The following SUFU variants were observed in gnomAD, a reference collection of about 807,000 sequenced individuals.
The protein encoded by SUFU is SUFU negative regulator of hedgehog signaling, also known as suppressor of fused homolog.
A neutral mutation model predicts 58.9 loss-of-function variants in SUFU; 7 were observed. That is an observed-to-expected ratio of 0.12 (90% confidence interval 0.07 to 0.22). The LOEUF (loss-of-function observed/expected upper bound fraction) is 0.22, where lower values mean the gene tolerates loss of function less well. SUFU is among the 10% of genes least tolerant of loss of function. The pLI is 1.00. For synonymous variants in SUFU, 232 were observed against 254.8 expected, an observed-to-expected ratio of 0.91 and a Z score of 0.85; for missense variants, 451 against 641.3, an observed-to-expected ratio of 0.70 and a Z score of 3.20.
At position 102,630,151 on chromosome 10, in the gene SUFU, A is replaced by G; in HGVS notation, c.1451A>G (p.His484Arg). Residue 484 changes from histidine (H) to arginine (R), a missense_variant, in exon 12 of 12, where the codon CAC (histidine) becomes CGC (arginine). Transcript: ENST00000369902. ...LPDVVFDSPL[H>R] ...GACGTGGTGTTCGACAGTCCGCTAC[A>G]CTAGCCTGGGCTGGGCCCTGCAGTG... The G allele has an allele frequency of 6.2e-7, 1 of 1,614,060 alleles. No individual in the cohort carries two copies. The highest frequency in any genetic ancestry group is 8.5e-7 in the Non-Finnish European group (1 of 1,179,942).
chr10:102,559,756 C>G (rs966358960), intron 3 of SUFU, among the ~76,000 whole-genome samples: 2 of 152,192 alleles, frequency 1.3e-5, no homozygotes, highest in African/African-American at 4.8e-5. Flanking sequence ...GATTTCTGAA[C>G]TGTGCTTTAG....
At chr10:102,585,362 A>AT (rs1464101663) in intron 3 of SUFU, among the ~76,000 whole-genome samples, 1 of 152,188 alleles carries the variant, frequency 6.6e-6, no homozygotes, top group African/African-American at 2.4e-5. Context: ...TTCACTTAGC[A>AT]TAATGTCTTT....
At chr10:102,524,988 C>T (rs2062593889) in intron 2 of SUFU, among the ~76,000 whole-genome samples, 1 of 152,236 alleles carries the variant, frequency 6.6e-6, no homozygotes, top group African/African-American at 2.4e-5. Context: ...CAGTTTGGAC[C>T]CTTATTCCCA....
At chr10:102,595,005 C>A (rs1446175522) in intron 6 of SUFU, among the ~76,000 whole-genome samples, 1 of 152,202 alleles carries the variant, frequency 6.6e-6, no homozygotes, top group Non-Finnish European at 1.5e-5. Flanking sequence ...CAGGTTTGAG[C>A]TAGTGCGCCT....
At chr10:102,593,118 G>A (rs796960050) in intron 4 of SUFU, among the ~76,000 whole-genome samples, 3 of 152,334 alleles carry the variant, frequency 2.0e-5, no homozygotes, top group African/African-American at 7.2e-5. Flanking sequence ...TGGTCACGAA[G>A]TCTATGTGAA....
intron 10 of SUFU, among the ~76,000 whole-genome samples, chr10:102,622,224 T>C (rs2063745490): frequency 1.3e-5 from 2 of 152,174 alleles, no homozygotes; most frequent in Admixed American, 6.5e-5. Context: ...CCCCTGTTGG[T>C]TAAGCCTGTG....
chr10:102,630,530 G>A lies in SUFU; in HGVS notation c.*375G>A, dbSNP rs1323099520. ...CCCCTGCCGCACAGCCCAGCAGGAG[G>A]GAGGCGGACAGCCAGATGCAGAGCG... On this transcript the variant is annotated 3_prime_UTR_variant, in exon 12 of 12. Coordinates refer to ENST00000369902, the MANE Select transcript of SUFU (RefSeq NM_016169.4). The A allele has an allele frequency of 1.7e-5, 7 of 417,436 alleles. No individual in the cohort carries two copies. The highest frequency in any genetic ancestry group is 3.2e-5 in the Non-Finnish European group (7 of 221,984). The allele number at this position is 417,436 out of a possible 1,614,324, so 25.9% of individuals were successfully genotyped here.
chr10:102,513,238 C>T (rs1176568501), intron 2 of SUFU, among the ~76,000 whole-genome samples: 1 of 152,050 alleles, frequency 6.6e-6, no homozygotes, highest in East Asian at 1.9e-4. Flanking sequence ...TTAATGAATC[C>T]TCATTTAAAT....
Position 102,632,565 on chromosome 10 carries a change from C to T in SUFU, c.*2410C>T. The T allele has an allele frequency of 4.3e-6, 1 of 233,330 alleles. No homozygotes were observed. The highest frequency in any genetic ancestry group is 8.5e-6 in the Non-Finnish European group (1 of 118,066). 14.5% of individuals were successfully genotyped at this position (233,330 alleles called of 1,614,324 possible). On this transcript the variant is annotated 3_prime_UTR_variant, in exon 12 of 12. Coordinates refer to ENST00000369902, the MANE Select transcript of SUFU (RefSeq NM_016169.4). ...GACCCTTAAAGAAGATCAAGCCAAG[C>T]TGACCTTGGACCCTGTCCAGCACAG...
intron 2 of SUFU, among the ~76,000 whole-genome samples, chr10:102,533,435 A>G (rs1477871559): frequency 6.6e-6 from 1 of 151,766 alleles, no homozygotes; most frequent in Non-Finnish European, 1.5e-5. Context: ...TTAGCCAAGC[A>G]TGGTGGCCTG....
chr10:102,533,200 A>G (rs1589999282), intron 2 of SUFU, among the ~76,000 whole-genome samples: 1 of 152,138 alleles, frequency 6.6e-6, no homozygotes, highest in South Asian at 2.1e-4. Context: ...CCACAAAATT[A>G]GTGTCTTGGA....
At chr10:102,579,148 G>A (rs1009028484) in intron 3 of SUFU, among the ~76,000 whole-genome samples, 1 of 152,224 alleles carries the variant, frequency 6.6e-6, no homozygotes, top group African/African-American at 2.4e-5. Context: ...GCATATATGG[G>A]TGAGTAAATG....
In SUFU at chr10:102,599,540, G is replaced by T. The variant is rs34135067; in HGVS notation, c.1018G>T (p.Ala340Ser). 11,583 of 1,613,966 alleles carry T rather than the reference G, an allele frequency of 7.2e-3. 57 individuals carry two copies. The highest frequency in any genetic ancestry group is 8.6e-3 in the Non-Finnish European group (10,127 of 1,179,872). Reference sequence around the variant, plus strand: ...GCAGAATGGCCTCGCCCACGACCGGGCCCCGTAAGTTCCCCAGTGTCCCTG... The same window carrying T: ...GCAGAATGGCCTCGCCCACGACCGGTCCCCGTAAGTTCCCCAGTGTCCCTG... The part of the protein sequence containing the change: ...QRQNGLAHDR[A>S]PSRKDSLESD... The change falls in exon 8 of 12, where the codon GCC becomes TCC. Residue 340 changes from alanine (A) to serine (S), a missense_variant. Coordinates refer to ENST00000369902, the MANE Select transcript of SUFU (RefSeq NM_016169.4).
intron 3 of SUFU, among the ~76,000 whole-genome samples, chr10:102,584,127 G>A (rs926299625): frequency 2.6e-5 from 4 of 152,184 alleles, no homozygotes; most frequent in Non-Finnish European, 4.4e-5. Flanking sequence ...GAGTAGGCAC[G>A]CTATTTCCTG....
intron 3 of SUFU, among the ~76,000 whole-genome samples, chr10:102,559,588 G>A (rs1388468606): frequency 1.3e-5 from 2 of 152,338 alleles, no homozygotes; most frequent in East Asian, 1.9e-4. Flanking sequence ...ACACATCCAT[G>A]TCTGTCTGTC....
chr10:102,593,892 C>G (rs559017159), intron 5 of SUFU, 101 bp from the exon 6 acceptor site: 4 of 1,470,692 alleles, frequency 2.7e-6, no homozygotes, highest in East Asian at 2.3e-5. Context: ...GAACTATTCC[C>G]CTGTGTCCTA....
chr10:102,503,849 C>G, upstream of SUFU: 1 of 385,210 alleles, frequency 2.6e-6, no homozygotes, highest in Non-Finnish European at 4.7e-6. Context: ...GAGGCGGGGC[C>G]TATTGTCAAG....
At chr10:102,570,399 G>A (rs559814822) in intron 3 of SUFU, among the ~76,000 whole-genome samples, 5 of 152,090 alleles carry the variant, frequency 3.3e-5, no homozygotes, top group South Asian at 2.1e-4. Context: ...ACGCCACCAC[G>A]CCTGGCTAAT....
At chr10:102,562,770 A>G (rs1030953373) in intron 3 of SUFU, among the ~76,000 whole-genome samples, 1 of 151,558 alleles carries the variant, frequency 6.6e-6, no homozygotes, top group African/African-American at 2.4e-5. Context: ...GCATATCTGT[A>G]ATCCCAGCTA....
Sources: allele counts gnomAD v4.1 joint callset (sites outside exome capture counted in the v4.1 genomes callset), GRCh38; gene constraint gnomAD v4.1.1; transcripts MANE v1.5; gene names NCBI Gene and HGNC (gene_info 2026-07-23, HGNC 2026-07-21).